Variants in RARB observed in about 807,000 individuals in gnomAD.
RARB encodes retinoic acid receptor beta.
RARB carries 17 observed loss-of-function variants against 51.9 expected under a neutral mutation model. The ratio of observed to expected loss-of-function variants is 0.33; its 90% CI spans 0.22 to 0.49. RARB has a LOEUF of 0.49. RARB is among the 20% of genes least tolerant of loss of function. The pLI, the probability that RARB is intolerant of heterozygous loss-of-function variation, is 0.99. For missense variants in RARB, 369 were observed against 550.8 expected, an observed-to-expected ratio of 0.67 and a Z score of 3.30; for synonymous variants, 215 against 195.4, an observed-to-expected ratio of 1.10 and a Z score of -0.84.
At chr3:25,171,777 A>G (rs1433218895) in intron 4 of RARB, among the ~76,000 whole-genome samples, 1 of 152,042 alleles carries the variant, frequency 6.6e-6, no homozygotes, top group Non-Finnish European at 1.5e-5. Flanking sequence ...TAACAATGCT[A>G]TGCTTTGTGT....
chr3:25,178,810 C>T (rs1700807276), intron 5 of RARB, among the ~76,000 whole-genome samples: 1 of 152,112 alleles, frequency 6.6e-6, no homozygotes, highest in African/African-American at 2.4e-5. Flanking sequence ...ATATGCTATG[C>T]CAGGGAACAC....
At chr3:25,404,316 TAACTG>T (rs1017251513) in intron 5 of RARB, among the ~76,000 whole-genome samples, 5 of 152,160 alleles carry the variant, frequency 3.3e-5, no homozygotes, top group South Asian at 2.1e-4. Flanking sequence ...AGGGTTAGCT[TAACTG>T]GACTGGAGTG....
At chr3:25,306,214 G>C (rs1450238115) in intron 5 of RARB, among the ~76,000 whole-genome samples, 1 of 152,190 alleles carries the variant, frequency 6.6e-6, no homozygotes, top group Admixed American at 6.5e-5. Context: ...TGGCAGGCCA[G>C]CTGCCCCCCA....
intron 4 of RARB, among the ~76,000 whole-genome samples, chr3:25,151,485 A>G (rs1700285694): frequency 6.6e-6 from 1 of 152,160 alleles, no homozygotes; most frequent in Non-Finnish European, 1.5e-5. Flanking sequence ...TAAGAGCGTC[A>G]TTTCTTTCTC....
intron 5 of RARB, among the ~76,000 whole-genome samples, chr3:25,321,915 C>A: frequency 6.7e-6 from 1 of 149,450 alleles, no homozygotes; most frequent in East Asian, 2.0e-4. Context: ...TTTGTGGAGG[C>A]AGGCAGTAGA....
intron 5 of RARB, among the ~76,000 whole-genome samples, chr3:25,365,988 A>AT (rs1007366946): frequency 3.9e-5 from 6 of 152,278 alleles, no homozygotes; most frequent in Admixed American, 3.3e-4. Context: ...TAGTGTAACC[A>AT]TTTTTTTAAA....
At chr3:24,898,548 T>C (rs1367993671) in intron 2 of RARB, among the ~76,000 whole-genome samples, 6 of 152,124 alleles carry the variant, frequency 3.9e-5, no homozygotes, top group Non-Finnish European at 5.9e-5. Flanking sequence ...ACCTTATGCG[T>C]AGAACAAATA....
rs151023895 is a variant in RARB, at chr3:24,841,432, A to G, written c.-459+12029A>G. ...CTCAAACTGCTGCAGTGGATCAAGAAGTCCTTGTTCAATTTAGGATATTAC... is the reference window on the plus strand; with the variant it reads ...CTCAAACTGCTGCAGTGGATCAAGAGGTCCTTGTTCAATTTAGGATATTAC... On this transcript the variant is annotated intron_variant, in intron 1 of 11. Transcript: ENST00000383772. 1.7e-3 allele frequency among the ~76,000 whole-genome samples: 259 copies of G among 152,344 alleles called. 2 individuals are homozygous for G. The highest frequency in any genetic ancestry group is 5.9e-3 in the African/African-American group (246 of 41,584).
intron 5 of RARB, among the ~76,000 whole-genome samples, chr3:25,222,444 G>T (rs968993682): frequency 1.3e-5 from 2 of 152,036 alleles, no homozygotes; most frequent in Non-Finnish European, 2.9e-5. Context: ...TTAAGAGTCA[G>T]TTTCATAGTT....
At chr3:25,408,934 T>C (rs1217420031) in intron 5 of RARB, among the ~76,000 whole-genome samples, 3 of 152,170 alleles carry the variant, frequency 2.0e-5, no homozygotes, top group Admixed American at 6.5e-5. Flanking sequence ...CTTGGGGGGC[T>C]GAGGCAGGAG....
At chr3:25,515,484 A>G (rs1370461869) in intron 3 of RARB, among the ~76,000 whole-genome samples, 1 of 152,202 alleles carries the variant, frequency 6.6e-6, no homozygotes, top group East Asian at 1.9e-4. Context: ...TTCACAGCAG[A>G]TTTATTGATA....
intron 4 of RARB, among the ~76,000 whole-genome samples, chr3:25,578,065 C>T (rs1656467): frequency 0.14 from 21,599 of 152,228 alleles, 1,671 homozygotes; most frequent in Non-Finnish European, 0.18. Context: ...CCTCACCACC[C>T]CACTTTCTGC....
At chr3:25,047,554 G>A (rs1056105591) in intron 2 of RARB, among the ~76,000 whole-genome samples, 1 of 152,248 alleles carries the variant, frequency 6.6e-6, no homozygotes, top group African/African-American at 2.4e-5. Context: ...ATAGTAACTA[G>A]AGGCCATTGT....
intron 3 of RARB, among the ~76,000 whole-genome samples, chr3:25,513,559 C>G (rs1698011769): frequency 6.6e-6 from 1 of 151,964 alleles, no homozygotes; most frequent in African/African-American, 2.4e-5. Context: ...AGCATGTTAC[C>G]CCTTTCATGA....
chr3:25,126,386 G>C (rs77652693), intron 3 of RARB, among the ~76,000 whole-genome samples: 376 of 152,010 alleles, frequency 2.5e-3, no homozygotes, highest in African/African-American at 8.6e-3. Flanking sequence ...TTTGAAGCAA[G>C]CTTACAGAAA....
At chr3:25,559,844 A>G (rs1700202354) in intron 3 of RARB, among the ~76,000 whole-genome samples, 1 of 152,142 alleles carries the variant, frequency 6.6e-6, no homozygotes, top group Non-Finnish European at 1.5e-5. Context: ...ATGAATGGGC[A>G]GCTGCATTGG....
intron 5 of RARB, among the ~76,000 whole-genome samples, chr3:25,363,727 A>G (rs1181275440): frequency 6.6e-6 from 1 of 152,164 alleles, no homozygotes. Flanking sequence ...AGCACAACAC[A>G]GATCAGTTGA....
chr3:25,493,434 A>C (rs894470581), intron 2 of RARB, among the ~76,000 whole-genome samples: 1 of 152,136 alleles, frequency 6.6e-6, no homozygotes, highest in African/African-American at 2.4e-5. Flanking sequence ...CTCACCTCCT[A>C]CTGGCAGCAT....
At chr3:25,533,033 CAA>C (rs1698994035) in intron 3 of RARB, among the ~76,000 whole-genome samples, 2 of 152,116 alleles carry the variant, frequency 1.3e-5, no homozygotes, top group African/African-American at 2.4e-5. Flanking sequence ...ATTAAAAACT[CAA>C]AGAGAATTCT....
Sources: gnomAD v4.1 joint callset for allele counts (sites outside exome capture counted in the v4.1 genomes callset) on GRCh38, gnomAD v4.1.1 for gene constraint, MANE v1.5 for transcripts, NCBI Gene and HGNC (gene_info 2026-07-23, HGNC 2026-07-21) for gene names.